CCDC91: variants seen among roughly 807,000 people sequenced by gnomAD.
CCDC91 encodes the protein coiled-coil domain-containing protein 91.
A neutral mutation model predicts 63.2 loss-of-function variants in CCDC91; 48 were observed. The ratio of observed to expected loss-of-function variants is 0.76; its 90% CI spans 0.60 to 0.97. The LOEUF is 0.97. CCDC91 is among the 50% of genes least tolerant of loss of function. The pLI is 0.00. For missense variants in CCDC91, 500 were observed against 494.6 expected, an observed-to-expected ratio of 1.01 and a Z score of -0.10; for synonymous variants, 167 against 165.8, an observed-to-expected ratio of 1.01 and a Z score of -0.06.
At chr12:28,371,567 A>G (rs1018079659) in intron 7 of CCDC91, among the ~76,000 whole-genome samples, 6 of 152,230 alleles carry the variant, frequency 3.9e-5, no homozygotes, top group African/African-American at 1.4e-4. Flanking sequence ...ATAGAATTAT[A>G]TGCATATTAT....
At chr12:28,390,775 C>G (rs771430900) in intron 7 of CCDC91, among the ~76,000 whole-genome samples, 16 of 152,030 alleles carry the variant, frequency 1.1e-4, no homozygotes, top group Non-Finnish European at 2.1e-4. Context: ...GGGGGCAGTT[C>G]TTTAATGTTT....
intron 3 of CCDC91, among the ~76,000 whole-genome samples, chr12:28,264,575 A>G (rs1277831286): frequency 1.1e-4 from 7 of 65,666 alleles, no homozygotes; most frequent in African/African-American, 1.9e-4. Flanking sequence ...ACATATATAT[A>G]TATGTCTGTC....
Position 28,215,386 on chromosome 12 carries a change from C to CT in CCDC91, c.-15+24750dup, listed in dbSNP as rs1281659562. Among the ~76,000 whole-genome samples, 9 of 152,234 alleles carry CT rather than the reference C, an allele frequency of 5.9e-5. No homozygotes were observed. The East Asian group carries it at 1.7e-3, about 29-fold the overall frequency. On this transcript the variant is annotated intron_variant, in intron 1 of 12. Coordinates refer to ENST00000536442, the MANE Select transcript of CCDC91 (RefSeq NM_018318.5). Reference sequence around the variant, plus strand: ...CACACATATACCTCCTCTTAGTTCTCTTTTTCTGGAGAACCCTGATTAATA... The same window carrying CT: ...CACACATATACCTCCTCTTAGTTCTCTTTTTTCTGGAGAACCCTGATTAATA...
intron 12 of CCDC91, among the ~76,000 whole-genome samples, chr12:28,502,297 C>T (rs1486559162): frequency 6.6e-6 from 1 of 151,898 alleles, no homozygotes; most frequent in Non-Finnish European, 1.5e-5. Context: ...AACAGACAAA[C>T]AGAGAGCCAA....
At chr12:28,279,431 A>C (rs1460473412) in intron 3 of CCDC91, among the ~76,000 whole-genome samples, 1 of 152,134 alleles carries the variant, frequency 6.6e-6, no homozygotes, top group Non-Finnish European at 1.5e-5. Context: ...TTCTCAGAGC[A>C]ATCTATTCTT....
At chr12:28,354,709 C>A (rs1403247569) in intron 6 of CCDC91, among the ~76,000 whole-genome samples, 5 of 152,098 alleles carry the variant, frequency 3.3e-5, no homozygotes, top group Non-Finnish European at 7.4e-5. Context: ...TTAGCAAGTT[C>A]CTTTCTGCTT....
At chr12:28,339,945 T>C (rs961952469) in intron 6 of CCDC91, among the ~76,000 whole-genome samples, 1 of 152,188 alleles carries the variant, frequency 6.6e-6, no homozygotes, top group African/African-American at 2.4e-5. Flanking sequence ...AATCACTGTA[T>C]TAATATGAAT....
chr12:28,222,415 G>A (rs1418411088), intron 1 of CCDC91, among the ~76,000 whole-genome samples: 1 of 152,108 alleles, frequency 6.6e-6, no homozygotes, highest in East Asian at 1.9e-4. Context: ...ACTTTATAAA[G>A]TAAATCTTGT....
intron 1 of CCDC91, among the ~76,000 whole-genome samples, chr12:28,201,307 C>T (rs61540235): frequency 6.7e-6 from 1 of 150,242 alleles, no homozygotes; most frequent in Non-Finnish European, 1.5e-5. Context: ...CCTCACTTCT[C>T]AGACGGGGCG....
chr12:28,376,256 T>C (rs1476843912), intron 7 of CCDC91, among the ~76,000 whole-genome samples: 2 of 151,868 alleles, frequency 1.3e-5, no homozygotes, highest in African/African-American at 2.4e-5. Context: ...TTAATTAATA[T>C]TGAGTCTCTT....
chr12:28,223,655 T>C (rs1478340775), intron 1 of CCDC91, among the ~76,000 whole-genome samples: 2 of 152,246 alleles, frequency 1.3e-5, no homozygotes, highest in African/African-American at 4.8e-5. Context: ...TGTAATTTGA[T>C]AAATTGAGTA....
At chr12:28,497,164 C>T (rs372237575) in intron 12 of CCDC91, among the ~76,000 whole-genome samples, 2 of 151,098 alleles carry the variant, frequency 1.3e-5, no homozygotes, top group East Asian at 3.9e-4. Flanking sequence ...TTTCTTGAGT[C>T]CTTGGCATCA....
chr12:28,361,997 C>A (rs1943920102), intron 6 of CCDC91, among the ~76,000 whole-genome samples: 2 of 151,872 alleles, frequency 1.3e-5, no homozygotes. Flanking sequence ...TAACAGTGTC[C>A]AAAGAGACTT....
chr12:28,524,356 G>T (rs952421507), intron 12 of CCDC91, among the ~76,000 whole-genome samples: 1 of 151,516 alleles, frequency 6.6e-6, no homozygotes, highest in African/African-American at 2.4e-5. Flanking sequence ...TTGTCAAATG[G>T]CTCATGTGAT....
At chr12:28,368,133 C>T (rs1181527796) in intron 7 of CCDC91, among the ~76,000 whole-genome samples, 3 of 152,146 alleles carry the variant, frequency 2.0e-5, no homozygotes, top group African/African-American at 7.2e-5. Context: ...AAACTTCCCT[C>T]AACCAAAAAT....
chr12:28,277,989 C>T (rs1044134038), intron 3 of CCDC91, among the ~76,000 whole-genome samples: 4 of 151,982 alleles, frequency 2.6e-5, no homozygotes, highest in African/African-American at 9.7e-5. Flanking sequence ...TTTGTTCCTA[C>T]TTCTGGTTCT....
chr12:28,267,807 A>ACTATATAATTATATATTACTATATAATT (rs1565699724), intron 3 of CCDC91, among the ~76,000 whole-genome samples: 1 of 14,894 alleles, frequency 6.7e-5, no homozygotes, highest in Non-Finnish European at 1.5e-4. Context: ...ATTATATAGT[A>ACTATATAATTATATATTACTATATAATT]ATATATAATT....
At position 28,352,260 on chromosome 12, in the gene CCDC91, T is replaced by C. The variant is rs186281753; in HGVS notation, c.577-10178T>C. On this transcript the variant is annotated intron_variant, in intron 6 of 12. Coordinates refer to ENST00000536442, the MANE Select transcript of CCDC91 (RefSeq NM_018318.5). Reference sequence around the variant, plus strand: ...TGCTGTTGATAAGGGTGGTGGTTGCTGAAGGTTGGTGTGGCTGTTGCAGTT... The same window carrying C: ...TGCTGTTGATAAGGGTGGTGGTTGCCGAAGGTTGGTGTGGCTGTTGCAGTT... Among the ~76,000 whole-genome samples the C allele has an allele frequency of 1.2e-3, 178 of 152,340 alleles. 1 individual carries two copies. The highest frequency in any genetic ancestry group is 4.1e-3 in the African/African-American group (170 of 41,578).
Position 28,440,268 on chromosome 12 carries a change from TG to T in CCDC91, c.763-9892del, listed in dbSNP as rs780277312. On this transcript the variant is annotated intron_variant, in intron 8 of 12. Coordinates refer to ENST00000536442, the MANE Select transcript of CCDC91 (RefSeq NM_018318.5). ...AATAGTGAAGCTGTATGGCCTGTTT[TG>T]TTTCTCCCATATTGCCTCACTAGGT... 4.6e-5 allele frequency among the ~76,000 whole-genome samples: 7 copies of T among 152,330 alleles called. No individual in the cohort carries two copies. In the East Asian group the frequency reaches 9.6e-4, roughly 21 times the overall value.
Sources: gnomAD v4.1 joint callset for allele counts (sites outside exome capture counted in the v4.1 genomes callset) on GRCh38, gnomAD v4.1.1 for gene constraint, MANE v1.5 for transcripts, NCBI Gene and HGNC (gene_info 2026-07-23, HGNC 2026-07-21) for gene names.